Variants in MALRD1 observed in about 807,000 individuals in gnomAD.
The protein encoded by MALRD1 is MAM and LDL receptor class A domain containing 1.
MALRD1 carries 247 observed loss-of-function variants against 242.1 expected under a neutral mutation model. The observed-to-expected ratio is 1.02, with a 90% confidence interval of 0.92 to 1.13. The LOEUF (loss-of-function observed/expected upper bound fraction) is 1.13, where lower values mean the gene tolerates loss of function less well. Ranked by LOEUF, MALRD1 falls within the 50% of genes most tolerant of loss-of-function variation. MALRD1 has a pLI of 0.00. For missense variants in MALRD1, 2,989 were observed against 2,533.1 expected (o/e 1.18, Z -3.86); for synonymous variants, 995 against 866.6 (o/e 1.15, Z -2.60).
chr10:19,617,794 CA>C (rs1214247314), intron 36 of MALRD1, among the ~76,000 whole-genome samples: 1 of 151,898 alleles, frequency 6.6e-6, no homozygotes, highest in Non-Finnish European at 1.5e-5. Context: ...ATTTTAGGTT[CA>C]AAATCTCCCA....
intron 38 of MALRD1, among the ~76,000 whole-genome samples, chr10:19,693,895 A>G (rs894870101): frequency 1.2e-4 from 19 of 152,296 alleles, no homozygotes; most frequent in Admixed American, 2.0e-4. Context: ...CGAATGGAAC[A>G]GAACAGAGCC....
intron 18 of MALRD1, among the ~76,000 whole-genome samples, chr10:19,228,670 ACCTTCTTCCAACACATTTC>A (rs1251805951): frequency 6.6e-6 from 1 of 152,014 alleles, no homozygotes; most frequent in Non-Finnish European, 1.5e-5. Context: ...AAAAATTAGA[ACCTTCTTCCAACACATTTC>A]AATTAGAACA....
chr10:19,621,369 A>AAT (rs1554815489), intron 36 of MALRD1, among the ~76,000 whole-genome samples: 2 of 147,760 alleles, frequency 1.4e-5, no homozygotes, highest in Non-Finnish European at 3.0e-5. Flanking sequence ...AAAAAAAAAA[A>AAT]GTAAGAATCA....
At chr10:19,475,014 A>G (rs186122713) in intron 29 of MALRD1, among the ~76,000 whole-genome samples, 5 of 152,368 alleles carry the variant, frequency 3.3e-5, no homozygotes, top group Non-Finnish European at 7.3e-5. Context: ...CAATATCCCT[A>G]TTTATCACAT....
At chr10:19,373,236 G>A (rs1461200247) in intron 26 of MALRD1, among the ~76,000 whole-genome samples, 3 of 108,908 alleles carry the variant, frequency 2.8e-5, no homozygotes, top group East Asian at 2.6e-4. Context: ...GGCCGGGCAC[G>A]GTGGCTCATG....
intron 29 of MALRD1, among the ~76,000 whole-genome samples, chr10:19,462,397 C>T (rs565263387): frequency 8.1e-4 from 123 of 152,324 alleles, no homozygotes; most frequent in African/African-American, 2.7e-3. Context: ...CTCATAGAAA[C>T]TGCAATAAAG....
intron 5 of MALRD1, among the ~76,000 whole-genome samples, chr10:19,117,817 A>G (rs901342416): frequency 3.9e-5 from 6 of 152,254 alleles, no homozygotes; most frequent in African/African-American, 1.4e-4. Context: ...CATGATGTAT[A>G]TTGAGTCTAC....
intron 29 of MALRD1, among the ~76,000 whole-genome samples, chr10:19,451,987 T>C (rs570676003): frequency 4.6e-5 from 7 of 152,286 alleles, no homozygotes; most frequent in African/African-American, 1.4e-4. Context: ...GTTTTGCACA[T>C]GTATTTGTGT....
intron 36 of MALRD1, among the ~76,000 whole-genome samples, chr10:19,650,996 G>T (rs1382570582): frequency 6.6e-6 from 1 of 152,160 alleles, no homozygotes; most frequent in Non-Finnish European, 1.5e-5. Context: ...TAGAAAGCCA[G>T]TCTCCCCACT....
chr10:19,477,347 A>G (rs1836784396), intron 29 of MALRD1, among the ~76,000 whole-genome samples: 1 of 152,186 alleles, frequency 6.6e-6, no homozygotes, highest in African/African-American at 2.4e-5. Flanking sequence ...GATCCAAAGT[A>G]ATTGAATGAT....
intron 26 of MALRD1, among the ~76,000 whole-genome samples, chr10:19,376,771 G>C (rs1053319565): frequency 6.6e-6 from 1 of 151,686 alleles, no homozygotes; most frequent in Middle Eastern, 3.2e-3. Flanking sequence ...TAGAGACGGG[G>C]TTTCAGTCTG....
chr10:19,224,735 G>A (rs1175016025), intron 18 of MALRD1, among the ~76,000 whole-genome samples: 1 of 151,878 alleles, frequency 6.6e-6, no homozygotes. Flanking sequence ...CTGGATATTA[G>A]CCCTTTGTTA....
At chr10:19,345,107 A>T (rs1024869319) in intron 24 of MALRD1, among the ~76,000 whole-genome samples, 5 of 152,160 alleles carry the variant, frequency 3.3e-5, no homozygotes, top group African/African-American at 1.2e-4. Context: ...CAGTGACGTG[A>T]AATTCAAACT....
chr10:19,613,530 C>G (rs1448981390), intron 35 of MALRD1, among the ~76,000 whole-genome samples: 1 of 152,018 alleles, frequency 6.6e-6, no homozygotes, highest in African/African-American at 2.4e-5. Flanking sequence ...CAACAACTTT[C>G]TACCCCCAAC....
intron 28 of MALRD1, among the ~76,000 whole-genome samples, chr10:19,444,908 C>G (rs1020274045): frequency 1.3e-5 from 2 of 152,202 alleles, no homozygotes; most frequent in African/African-American, 4.8e-5. Flanking sequence ...TATTTTCCAA[C>G]TTGGTTCCAT....
At chr10:19,485,972 T>C (rs977013969) in intron 29 of MALRD1, among the ~76,000 whole-genome samples, 5 of 151,958 alleles carry the variant, frequency 3.3e-5, no homozygotes, top group African/African-American at 1.2e-4. Context: ...AAAATATTTA[T>C]GATATGATAA....
chr10:19,459,371 C>T (rs573504620), intron 29 of MALRD1, among the ~76,000 whole-genome samples: 19 of 152,262 alleles, frequency 1.2e-4, no homozygotes, highest in African/African-American at 4.6e-4. Flanking sequence ...TACATTCAGT[C>T]ATTGCCAGTT....
At chr10:19,360,222 A>G (rs1380550169) in intron 26 of MALRD1, among the ~76,000 whole-genome samples, 1 of 152,104 alleles carries the variant, frequency 6.6e-6, no homozygotes, top group Non-Finnish European at 1.5e-5. Context: ...ATGATGGTGT[A>G]TATATTCAGT....
chr10:19,433,276 G>A (rs1264234601), intron 28 of MALRD1, among the ~76,000 whole-genome samples: 1 of 151,996 alleles, frequency 6.6e-6, no homozygotes, highest in Non-Finnish European at 1.5e-5. Flanking sequence ...ATGAGGACGT[G>A]ATTCCGCTGA....
Sources: allele counts gnomAD v4.1 joint callset (sites outside exome capture counted in the v4.1 genomes callset), GRCh38; gene constraint gnomAD v4.1.1; transcripts MANE v1.5; gene names NCBI Gene and HGNC (gene_info 2026-07-23, HGNC 2026-07-21).